Variants in B3GALT1 observed in about 807,000 individuals in gnomAD.
The protein encoded by B3GALT1 is beta-1,3-galactosyltransferase 1, also known as UDP-Gal:betaGlcNAc beta 1,3-galactosyltransferase, polypeptide 1.
In B3GALT1, 10 loss-of-function variants were observed where a neutral mutation model predicts 23.2. The observed-to-expected ratio is 0.43, with a 90% CI of 0.27 to 0.73. B3GALT1 has a LOEUF of 0.73. B3GALT1 is among the 30% of genes least tolerant of loss of function. The pLI, the probability that B3GALT1 is intolerant of heterozygous loss-of-function variation, is 0.21. For synonymous variants in B3GALT1, 156 were observed against 141.5 expected (o/e 1.10, Z -0.73); for missense variants, 299 against 405.4 (o/e 0.74, Z 2.25).
intron 4 of B3GALT1, among the ~76,000 whole-genome samples, chr2:167,855,290 T>C (rs527700479): frequency 6.6e-6 from 1 of 152,136 alleles, no homozygotes; most frequent in Non-Finnish European, 1.5e-5. Context: ...CAGAATATGG[T>C]GTATAGACCT....
At chr2:167,729,745 C>A (rs1687378244) in intron 3 of B3GALT1, among the ~76,000 whole-genome samples, 1 of 152,076 alleles carries the variant, frequency 6.6e-6, no homozygotes. Flanking sequence ...CTGTTTCCTA[C>A]CCACTGTCTG....
chr2:167,407,975 T>G (rs1281775308), intron 1 of B3GALT1, among the ~76,000 whole-genome samples: 4 of 151,194 alleles, frequency 2.6e-5, no homozygotes, highest in Non-Finnish European at 5.9e-5. Context: ...AAAACTCATT[T>G]TATGAGGCCA....
intron 1 of B3GALT1, among the ~76,000 whole-genome samples, chr2:167,393,156 C>T (rs1196419926): frequency 3.3e-5 from 5 of 151,806 alleles, no homozygotes; most frequent in African/African-American, 1.2e-4. Context: ...ATGGCGTGAA[C>T]CCGGGAGGCG....
chr2:167,553,549 T>C (rs912583591), intron 2 of B3GALT1, among the ~76,000 whole-genome samples: 1 of 152,148 alleles, frequency 6.6e-6, no homozygotes, highest in East Asian at 1.9e-4. Context: ...TGCATCCCAG[T>C]CTCAGTTCCA....
intron 3 of B3GALT1, among the ~76,000 whole-genome samples, chr2:167,726,785 T>C (rs986725017): frequency 6.6e-6 from 1 of 152,264 alleles, no homozygotes; most frequent in Non-Finnish European, 1.5e-5. Flanking sequence ...ACCCAGTGCT[T>C]TCTGCCTTGC....
intron 3 of B3GALT1, among the ~76,000 whole-genome samples, chr2:167,737,098 A>G (rs1687505740): frequency 6.6e-6 from 1 of 152,170 alleles, no homozygotes; most frequent in Non-Finnish European, 1.5e-5. Context: ...TTTCCATTTA[A>G]TTGTTTAGAT....
intron 3 of B3GALT1, among the ~76,000 whole-genome samples, chr2:167,757,949 A>G (rs1275012073): frequency 6.6e-6 from 1 of 152,188 alleles, no homozygotes; most frequent in Admixed American, 6.5e-5. Flanking sequence ...TCACTCTAAT[A>G]TTAGAGCACT....
At chr2:167,504,309 C>T (rs1269947085) in intron 2 of B3GALT1, among the ~76,000 whole-genome samples, 1 of 152,114 alleles carries the variant, frequency 6.6e-6, no homozygotes, top group Non-Finnish European at 1.5e-5. Context: ...CAATTCTAGC[C>T]TAGAGTCTAT....
intron 2 of B3GALT1, among the ~76,000 whole-genome samples, chr2:167,566,068 A>T (rs1684158651): frequency 6.6e-6 from 1 of 152,102 alleles, no homozygotes; most frequent in Non-Finnish European, 1.5e-5. Flanking sequence ...TTATTGCGGC[A>T]CTATTCACAA....
At chr2:167,698,586 T>G (rs1277035276) in intron 3 of B3GALT1, among the ~76,000 whole-genome samples, 1 of 152,172 alleles carries the variant, frequency 6.6e-6, no homozygotes, top group Non-Finnish European at 1.5e-5. Context: ...CACACCATAT[T>G]GTCATTTCTG....
rs1685564306 is a variant in B3GALT1 at position 167,636,794 on chromosome 2, A to C, written c.-409-10115A>C. 3.9e-5 allele frequency among the ~76,000 whole-genome samples: 6 copies of C among 152,120 alleles called. No individual in the cohort carries two copies. In the South Asian group the frequency reaches 1.0e-3, roughly 26 times the overall value. Reference sequence around the variant, plus strand: ...AGTGGGAGTTGAACAATGAGAACACATGGACACTGGGAGAGGAACATCACA... The same window carrying C: ...AGTGGGAGTTGAACAATGAGAACACCTGGACACTGGGAGAGGAACATCACA... On this transcript the variant is annotated intron_variant, in intron 2 of 4. Coordinates refer to ENST00000392690, the MANE Select transcript of B3GALT1 (RefSeq NM_020981.4).
chr2:167,430,886 G>C (rs979212459), intron 1 of B3GALT1, among the ~76,000 whole-genome samples: 2 of 152,208 alleles, frequency 1.3e-5, no homozygotes, highest in African/African-American at 4.8e-5. Flanking sequence ...AGAGAATGCA[G>C]TATACATGTG....
intron 2 of B3GALT1, among the ~76,000 whole-genome samples, chr2:167,493,885 A>G: frequency 6.6e-6 from 1 of 152,120 alleles, no homozygotes; most frequent in East Asian, 1.9e-4. Flanking sequence ...ATGATTCTCC[A>G]CTTTTATCAA....
At chr2:167,706,802 C>G (rs535000545) in intron 3 of B3GALT1, among the ~76,000 whole-genome samples, 4 of 152,350 alleles carry the variant, frequency 2.6e-5, no homozygotes, top group Admixed American at 2.0e-4. Context: ...GGCTTCACAA[C>G]TGTCTGCCAT....
chr2:167,356,787 T>C (rs1469806003), intron 1 of B3GALT1, among the ~76,000 whole-genome samples: 4 of 151,852 alleles, frequency 2.6e-5, no homozygotes, highest in Non-Finnish European at 4.4e-5. Flanking sequence ...TAAATATATA[T>C]AGTAATTAAA....
intron 1 of B3GALT1, among the ~76,000 whole-genome samples, chr2:167,352,793 C>A (rs764885286): frequency 2.3e-4 from 35 of 152,122 alleles, no homozygotes; most frequent in Non-Finnish European, 4.3e-4. Context: ...CCAGTAGTCA[C>A]ACTCAGTAAC....
chr2:167,426,276 CT>C (rs199670599), intron 1 of B3GALT1, among the ~76,000 whole-genome samples: 444 of 137,496 alleles, frequency 3.2e-3, no homozygotes, highest in Middle Eastern at 7.6e-3. Flanking sequence ...GTTTATCATT[CT>C]TTTTTTTTTT....
intron 2 of B3GALT1, among the ~76,000 whole-genome samples, chr2:167,561,564 C>T (rs1174201486): frequency 2.6e-5 from 4 of 151,632 alleles, no homozygotes; most frequent in African/African-American, 9.7e-5. Flanking sequence ...GCTAGCAAGA[C>T]TAATGAAGAA....
chr2:167,388,873 A>G (rs1697973543), intron 1 of B3GALT1, among the ~76,000 whole-genome samples: 1 of 152,210 alleles, frequency 6.6e-6, no homozygotes, highest in East Asian at 1.9e-4. Context: ...AGCCATCTCT[A>G]CAATAAAACC....
Sources: gnomAD v4.1 joint callset for allele counts (sites outside exome capture counted in the v4.1 genomes callset) on GRCh38, gnomAD v4.1.1 for gene constraint, MANE v1.5 for transcripts, NCBI Gene and HGNC (gene_info 2026-07-23, HGNC 2026-07-21) for gene names.